The following WSB2 variants were observed in gnomAD, a reference collection of about 807,000 sequenced individuals.
WSB2 encodes the protein WD repeat and SOCS box containing 2.
A neutral mutation model predicts 48.8 loss-of-function variants in WSB2; 12 were observed. That is an observed-to-expected ratio of 0.25 (90% confidence interval 0.16 to 0.40). The LOEUF (loss-of-function observed/expected upper bound fraction) is 0.40. Among genes scored for constraint, WSB2 ranks in the 10% least tolerant of loss-of-function variants. The probability of loss-of-function intolerance (pLI) is 1.00; values close to 1 mark genes in which losing one functional copy is unlikely to be tolerated. For synonymous variants in WSB2, 191 were observed against 203.1 expected, an observed-to-expected ratio of 0.94 and a Z score of 0.51; for missense variants, 317 against 506.2, an observed-to-expected ratio of 0.63 and a Z score of 3.59.
intron 2 of WSB2, among the ~76,000 whole-genome samples, chr12:118,046,466 C>CAAAA (rs57540760): frequency 8.8e-6 from 1 of 113,206 alleles, no homozygotes; most frequent in African/African-American, 3.1e-5. Context: ...GACTCCATCT[C>CAAAA]AAAAAAAAAA....
Position 118,043,495 on chromosome 12 carries a change from C to G in WSB2, c.183-118G>C. The G allele has an allele frequency of 2.8e-6, 4 of 1,441,742 alleles. No homozygotes were observed. In the South Asian group the frequency reaches 5.6e-5, roughly 20 times the overall value. 89.3% of individuals were successfully genotyped at this position (1,441,742 alleles called of 1,614,324 possible). On this transcript the variant is annotated intron_variant, in intron 2 of 8. Coordinates refer to ENST00000315436, the MANE Select transcript of WSB2 (RefSeq NM_018639.5). ...GGGAAGGGTCTGTCACCCAAGCTGG[C>G]GTACAGTGACACAATCATGGCTCAC...
intron 7 of WSB2, 23 bp downstream of exon 7, chr12:118,035,189 ATG>A: frequency 6.2e-7 from 1 of 1,613,854 alleles, no homozygotes; most frequent in African/African-American, 1.3e-5. Flanking sequence ...TTCTGAGGCC[ATG>A]TAAAGAGAGT....
chr12:118,057,114 A>C (rs1044777874), intron 1 of WSB2, among the ~76,000 whole-genome samples: 1 of 152,146 alleles, frequency 6.6e-6, no homozygotes, highest in African/African-American at 2.4e-5. Context: ...TCTGGGCCCA[A>C]ACTAAACTTG....
intron 2 of WSB2, among the ~76,000 whole-genome samples, chr12:118,051,986 T>G (rs1191186905): frequency 6.6e-6 from 1 of 151,948 alleles, no homozygotes; most frequent in Admixed American, 6.6e-5. Context: ...AATAAATAAA[T>G]AAAGTAAGAC....
In WSB2 at chr12:118,034,969, A is replaced by T; in HGVS notation, c.1052+17T>A. ...AGCAGAAAGCACCACCCATCTGTTC[A>T]GCTAACAAATACATACCCTGTGGCA... On this transcript the variant is annotated intron_variant, in intron 8 of 8. Coordinates refer to ENST00000315436, the MANE Select transcript of WSB2 (RefSeq NM_018639.5). 1 of 1,610,574 alleles carries T rather than the reference A, an allele frequency of 6.2e-7. No homozygotes were observed. Among genetic ancestry groups the T allele is most frequent in the East Asian group, 2.2e-5 (1 of 44,864 alleles).
chr12:118,046,917 G>A (rs986881713), intron 2 of WSB2, among the ~76,000 whole-genome samples: 9 of 151,906 alleles, frequency 5.9e-5, no homozygotes, highest in Non-Finnish European at 1.3e-4. Context: ...GACTACAGGC[G>A]CATGCCACCA....
Position 118,049,487 on chromosome 12 carries a change from C to T in WSB2, c.182+2823G>A, listed in dbSNP as rs553924044. Among the ~76,000 whole-genome samples, 19 of 152,052 alleles carry T rather than the reference C, an allele frequency of 1.2e-4. No individual in the cohort carries two copies. In the Middle Eastern group the frequency reaches 0.024, roughly 191 times the overall value. On this transcript the variant is annotated intron_variant, in intron 2 of 8. Coordinates refer to ENST00000315436, the MANE Select transcript of WSB2 (RefSeq NM_018639.5). ...CGCGATCTCAGCTCACTGCAACCTC[C>T]GCCTCCCAGGTTCACGCGATTCTCC...
chr12:118,042,681 CA>C, intron 4 of WSB2, 159 bp downstream of exon 4: 1 of 1,096,660 alleles, frequency 9.1e-7, no homozygotes, highest in South Asian at 1.6e-5. Context: ...TTGGGGCGGG[CA>C]GGGGCGATTA....
chr12:118,038,500 T>G, intron 4 of WSB2, 112 bp from the exon 5 acceptor site: 2 of 926,832 alleles, frequency 2.2e-6, no homozygotes, highest in Non-Finnish European at 3.2e-6. Flanking sequence ...CATCAGCTCC[T>G]ATCAGCTGGG....
intron 1 of WSB2, among the ~76,000 whole-genome samples, chr12:118,058,756 G>A (rs1248276756): frequency 6.6e-6 from 1 of 151,636 alleles, no homozygotes; most frequent in African/African-American, 2.4e-5. Context: ...GAGTGCAATG[G>A]CGAGATCTTG....
chr12:118,042,690 T>G, intron 4 of WSB2, 151 bp downstream of exon 4: 1 of 1,270,254 alleles, frequency 7.9e-7, no homozygotes. Flanking sequence ...GCAGGGGCGA[T>G]TAGGAAAAAA....
At chr12:118,055,807 T>C (rs189728089) in intron 1 of WSB2, among the ~76,000 whole-genome samples, 32 of 151,520 alleles carry the variant, frequency 2.1e-4, no homozygotes, top group African/African-American at 4.8e-4. Context: ...TAGAGACAGG[T>C]TTTTGCTATC....
At chr12:118,057,658 C>T (rs2031981088) in intron 1 of WSB2, among the ~76,000 whole-genome samples, 1 of 152,008 alleles carries the variant, frequency 6.6e-6, no homozygotes, top group African/African-American at 2.4e-5. Flanking sequence ...TGTGGAATGG[C>T]TCAGTCAAGC....
rs2032042346 is a variant in WSB2 at position 118,060,563 on chromosome 12, G to C, written c.13+473C>G. Among the ~76,000 whole-genome samples, 1 of 152,196 alleles carries C rather than the reference G, an allele frequency of 6.6e-6. No individual in the cohort carries two copies. ...ATCCCATTTTGCAGATCAAAACTGA[G>C]ACGTGGGTGGCGGTGGTTCAGTGGC... is the stretch of plus-strand genomic sequence containing the variant. On this transcript the variant is annotated intron_variant, in intron 1 of 8. Transcript: ENST00000315436. This position sits in a 1 kb window ranked among gnomAD's most constrained non-coding sequence, Gnocchi z 4.1.
At position 118,041,648 on chromosome 12, in the gene WSB2, T is replaced by C. The variant is rs185466918; in HGVS notation, c.559+1193A>G. Among the ~76,000 whole-genome samples the C allele has an allele frequency of 1.7e-3, 254 of 151,816 alleles. 1 individual carries two copies. Among genetic ancestry groups the C allele is most frequent in the African/African-American group, 5.8e-3 (239 of 41,374 alleles). ...CAGCCCCTGATCCTCTTCATGACCC[T>C]TTACCACTGCCTCCTTCCAATCCCT... is the stretch of plus-strand genomic sequence containing the variant. On this transcript the variant is annotated intron_variant, in intron 4 of 8. Transcript: ENST00000315436.
chr12:118,050,713 T>G (rs1031340039), intron 2 of WSB2, among the ~76,000 whole-genome samples: 3 of 151,922 alleles, frequency 2.0e-5, no homozygotes, highest in Non-Finnish European at 4.4e-5. Context: ...AGGCTCTGAG[T>G]AGACATTTAT....
At chr12:118,045,523 C>T (rs1419596965) in intron 2 of WSB2, among the ~76,000 whole-genome samples, 2 of 151,896 alleles carry the variant, frequency 1.3e-5, no homozygotes, top group Non-Finnish European at 2.9e-5. Flanking sequence ...TATGGTGAAA[C>T]CCCATCTCTA....
chr12:118,049,200 C>T lies in WSB2; in HGVS notation c.182+3110G>A, dbSNP rs558947577. ...AAACAATGTATGACCTTGGCATTAT[C>T]ATTAAACTGACCACAGAAGAAACTG... On this transcript the variant is annotated intron_variant, in intron 2 of 8. Coordinates refer to ENST00000315436, the MANE Select transcript of WSB2 (RefSeq NM_018639.5). Among the ~76,000 whole-genome samples the T allele has an allele frequency of 1.7e-4, 26 of 152,246 alleles. No individual in the cohort carries two copies. In the East Asian group the frequency reaches 5.0e-3, roughly 29 times the overall value.
intron 2 of WSB2, among the ~76,000 whole-genome samples, chr12:118,046,593 G>T (rs752284066): frequency 3.6e-4 from 55 of 152,150 alleles, no homozygotes; most frequent in Non-Finnish European, 6.5e-4. Context: ...TCGATCGGCT[G>T]CCTCTCCACA....
Sources: gnomAD v4.1 joint callset for allele counts (sites outside exome capture counted in the v4.1 genomes callset) on GRCh38, gnomAD v4.1.1 for gene constraint, Gnocchi (gnomAD v3.1) non-coding constraint, MANE v1.5 for transcripts, NCBI Gene and HGNC (gene_info 2026-07-23, HGNC 2026-07-21) for gene names.